DOCK2: variants seen among roughly 807,000 people sequenced by gnomAD.
DOCK2 encodes dedicator of cytokinesis 2.
Under a neutral mutation model 248.9 loss-of-function variants are expected in DOCK2, and 87 were observed. That is an observed-to-expected ratio of 0.35 (90% CI 0.29 to 0.42). The LOEUF is 0.42. Among genes scored for constraint, DOCK2 ranks in the 10% least tolerant of loss-of-function variants. The pLI is 1.00. For missense variants in DOCK2, 1,747 were observed against 2,300.2 expected (o/e 0.76, Z 4.92); for synonymous variants, 805 against 821.6 (o/e 0.98, Z 0.35).
chr5:169,885,581 C>T (rs1171556692), intron 27 of DOCK2, among the ~76,000 whole-genome samples: 1 of 152,158 alleles, frequency 6.6e-6, no homozygotes, highest in Non-Finnish European at 1.5e-5. Flanking sequence ...GAACAACTAC[C>T]TCATAATAAT....
At chr5:170,009,280 G>A (rs1366036341) in intron 32 of DOCK2, among the ~76,000 whole-genome samples, 1 of 152,106 alleles carries the variant, frequency 6.6e-6, no homozygotes, top group Non-Finnish European at 1.5e-5. Context: ...GAACGAAGGA[G>A]ACATTATTGA....
intron 30 of DOCK2, chr5:170,000,467 T>A (rs1421257247): frequency 6.6e-6 from 1 of 152,208 alleles, no homozygotes; most frequent in Non-Finnish European, 1.5e-5. Flanking sequence ...AAGCACATCC[T>A]CTTTTCACTC....
intron 32 of DOCK2, among the ~76,000 whole-genome samples, chr5:170,013,648 C>G (rs10055571): frequency 0.18 from 27,049 of 152,016 alleles, 2,826 homozygotes; most frequent in East Asian, 0.46. Context: ...CCAGAAGGAA[C>G]TCAGTCTTGC....
intron 7 of DOCK2, among the ~76,000 whole-genome samples, chr5:169,682,483 C>G (rs949670394): frequency 6.6e-6 from 1 of 152,110 alleles, no homozygotes; most frequent in Admixed American, 6.5e-5. Context: ...TTGCAGAGGC[C>G]GGGTAGGTGG....
chr5:169,735,129 A>T, intron 22 of DOCK2, among the ~76,000 whole-genome samples: 1 of 152,202 alleles, frequency 6.6e-6, no homozygotes, highest in Admixed American at 6.5e-5. Flanking sequence ...TGATCTTTCC[A>T]CAGTTCAAAT....
intron 30 of DOCK2, among the ~76,000 whole-genome samples, chr5:170,007,457 G>C (rs1003127763): frequency 6.6e-6 from 1 of 152,172 alleles, no homozygotes; most frequent in African/African-American, 2.4e-5. Flanking sequence ...GGATTTTTGA[G>C]CTCTTACTGT....
intron 27 of DOCK2, among the ~76,000 whole-genome samples, chr5:169,930,960 C>T (rs1425111570): frequency 6.6e-6 from 1 of 152,212 alleles, no homozygotes; most frequent in Non-Finnish European, 1.5e-5. Context: ...GTCCCTTTTA[C>T]AAGGTGCTCC....
intron 27 of DOCK2, among the ~76,000 whole-genome samples, chr5:169,976,092 T>C (rs1777708022): frequency 6.6e-6 from 1 of 152,236 alleles, no homozygotes; most frequent in Non-Finnish European, 1.5e-5. Context: ...AACATTCTTT[T>C]GGAGATGGGA....
At chr5:170,018,811 G>T in intron 32 of DOCK2, 149 bp from the exon 33 acceptor site, 1 of 1,003,082 alleles carries the variant, frequency 1.0e-6, no homozygotes, top group Non-Finnish European at 1.5e-6. Context: ...TGTTCAAAAC[G>T]GTGCCTGGCT....
chr5:169,672,605 C>A (rs1398578235), intron 5 of DOCK2, among the ~76,000 whole-genome samples: 2 of 152,198 alleles, frequency 1.3e-5, no homozygotes, highest in African/African-American at 2.4e-5. Flanking sequence ...AGATGCCCCA[C>A]AATTCAGTTC....
chr5:169,677,916 G>A (rs4867569), intron 6 of DOCK2, among the ~76,000 whole-genome samples: 10,549 of 152,242 alleles, frequency 0.069, 434 homozygotes, highest in Middle Eastern at 0.12. Flanking sequence ...GAGCTGTGTA[G>A]GGTGCAGGGG....
intron 27 of DOCK2, among the ~76,000 whole-genome samples, chr5:169,855,790 G>A (rs1770857852): frequency 6.6e-6 from 1 of 152,200 alleles, no homozygotes; most frequent in African/African-American, 2.4e-5. Flanking sequence ...GGTGGGAAAA[G>A]GGGAAGGTAA....
intron 27 of DOCK2, among the ~76,000 whole-genome samples, chr5:169,961,348 A>G (rs1394560749): frequency 6.6e-6 from 1 of 152,262 alleles, no homozygotes; most frequent in African/African-American, 2.4e-5. Flanking sequence ...CACTGAACAG[A>G]ATTAAATTGA....
intron 28 of DOCK2, among the ~76,000 whole-genome samples, chr5:169,984,710 A>G (rs1778023024): frequency 6.6e-6 from 1 of 152,154 alleles, no homozygotes. Context: ...TATATATTTT[A>G]TATATTGGGC....
chr5:170,032,358 A>G (rs1448823507), intron 34 of DOCK2, among the ~76,000 whole-genome samples: 1 of 152,032 alleles, frequency 6.6e-6, no homozygotes, highest in Non-Finnish European at 1.5e-5. Context: ...CCATGTTGGA[A>G]TCTCCTAGAG....
chr5:169,644,776 T>G (rs1293776330), intron 1 of DOCK2, among the ~76,000 whole-genome samples: 1 of 152,102 alleles, frequency 6.6e-6, no homozygotes, highest in Non-Finnish European at 1.5e-5. Flanking sequence ...TTTGTCCTAA[T>G]GCTCTCCCTT....
At chr5:169,685,747 G>A (rs1420580194) in intron 8 of DOCK2, among the ~76,000 whole-genome samples, 1 of 152,120 alleles carries the variant, frequency 6.6e-6, no homozygotes, top group Non-Finnish European at 1.5e-5. Flanking sequence ...AATGTGCTGG[G>A]GTCTGTACAT....
rs546404385 is a variant in DOCK2 at position 170,062,128 on chromosome 5, T to A, written c.4467+4462T>A. 2.5e-3 allele frequency among the ~76,000 whole-genome samples: 345 copies of A among 137,896 alleles called. 1 individual carries two copies. Among genetic ancestry groups the A allele is most frequent in the Middle Eastern group, 7.5e-3 (2 of 266 alleles). 90.5% of individuals were successfully genotyped at this position (137,896 alleles called of 152,430 possible). A position where few individuals can be genotyped will look rare whatever the true frequency, so the allele number is the denominator to read the frequency against. ...GTGTGTGTGTGTGTGTGTGTGTGTG[T>A]GAGAGAGAGAGAGAGAGAGACAGAG... On this transcript the variant is annotated intron_variant, in intron 44 of 51. Transcript: ENST00000520908.
intron 27 of DOCK2, among the ~76,000 whole-genome samples, chr5:169,980,087 T>C (rs1338984333): frequency 6.6e-6 from 1 of 152,174 alleles, no homozygotes; most frequent in Non-Finnish European, 1.5e-5. Context: ...ATCCATGCAT[T>C]TGGGGCAGCC....
Sources: allele counts gnomAD v4.1 joint callset (sites outside exome capture counted in the v4.1 genomes callset), GRCh38; gene constraint gnomAD v4.1.1; transcripts MANE v1.5; gene names NCBI Gene and HGNC (gene_info 2026-07-23, HGNC 2026-07-21).